Variants in SUGP2 observed in about 807,000 individuals in gnomAD.
SUGP2 encodes the protein SURP and G-patch domain-containing protein 2.
SUGP2 carries 24 observed loss-of-function variants against 90.5 expected under a neutral mutation model. The observed-to-expected ratio is 0.27, with a 90% confidence interval of 0.19 to 0.37. The LOEUF (loss-of-function observed/expected upper bound fraction) is 0.37, where lower values mean the gene tolerates loss of function less well. Ranked by LOEUF, SUGP2 falls within the 10% of genes least tolerant of loss-of-function variation. The pLI is 1.00. For synonymous variants in SUGP2, 473 were observed against 513.4 expected, an observed-to-expected ratio of 0.92 and a Z score of 1.06; for missense variants, 1,233 against 1,363.3, an observed-to-expected ratio of 0.90 and a Z score of 1.51.
chr19:19,033,547 C>T (rs2059284874), upstream of SUGP2: 30 of 1,291,712 alleles, frequency 2.3e-5, no homozygotes, highest in Non-Finnish European at 2.8e-5. Context: ...CTCCGCAGCG[C>T]CGCGCCGCGC....
intron 4 of SUGP2, among the ~76,000 whole-genome samples, chr19:19,010,944 A>C (rs150599019): frequency 3.5e-4 from 53 of 151,916 alleles, no homozygotes; most frequent in African/African-American, 1.1e-3. Flanking sequence ...GTTCAAGACC[A>C]GCCTGGGCAA....
At position 19,025,255 on chromosome 19, in the gene SUGP2, T is replaced by C. The variant is rs773095563; in HGVS notation, c.1093A>G (p.Met365Val). The change falls in exon 3 of 11, where the codon ATG becomes GTG. Residue 365 changes from methionine (M) to valine (V), a missense_variant. This residue lies in a region of SUGP2 where 55 missense variants were observed against 82.0 expected (regional missense o/e 0.67). Coordinates refer to ENST00000452918, the MANE Select transcript of SUGP2 (RefSeq NM_001017392.5). ...FELETETCAK[M>V]LASFKCSLKP... ...AAGGAACATTTGAATGAGGCAAGCATTTTAGCACAGGTTTCTGTTTCAAGT... is the reference window on the plus strand; with the variant it reads ...AAGGAACATTTGAATGAGGCAAGCACTTTAGCACAGGTTTCTGTTTCAAGT... The C allele has an allele frequency of 1.2e-6, 2 of 1,613,290 alleles. No individual in the cohort carries two copies. The highest frequency in any genetic ancestry group is 1.7e-6 in the Non-Finnish European group (2 of 1,180,032).
intron 4 of SUGP2, among the ~76,000 whole-genome samples, chr19:19,011,360 C>T (rs1049887406): frequency 3.3e-5 from 5 of 151,830 alleles, no homozygotes; most frequent in African/African-American, 1.2e-4. Flanking sequence ...GTTGCCTAGG[C>T]TGATCTCAAA....
At chr19:19,009,264 C>T (rs760199906) in intron 5 of SUGP2, among the ~76,000 whole-genome samples, 1 of 152,156 alleles carries the variant, frequency 6.6e-6, no homozygotes, top group Non-Finnish European at 1.5e-5. Flanking sequence ...CACAGCAACA[C>T]CTAAATAATG....
intron 2 of SUGP2, among the ~76,000 whole-genome samples, chr19:19,029,903 A>G (rs981037133): frequency 3.3e-5 from 5 of 151,642 alleles, no homozygotes; most frequent in Non-Finnish European, 7.4e-5. Context: ...AAATCACGTC[A>G]CTGCACTCCA....
Position 19,009,923 on chromosome 19 carries a change from G to T in SUGP2, c.2270C>A (p.Ser757Tyr), listed in dbSNP as rs1312736508. 1 of 1,614,204 alleles carries T rather than the reference G, an allele frequency of 6.2e-7. No individual in the cohort carries two copies. The highest frequency in any genetic ancestry group is 1.1e-5 in the South Asian group (1 of 91,084). ...GATGTCCACTCCTGCTGGCTTGGGG[G>T]ATGGGCCTGAGGCTTCTAAGCTGGG... is the stretch of plus-strand genomic sequence containing the variant. Reference protein sequence around the residue: ...QDPSLEASGPSPKPAGVDISE... With the variant: ...QDPSLEASGPYPKPAGVDISE... Residue 757 changes from serine to tyrosine, a missense_variant, in exon 5 of 11, where the codon TCC becomes TAC. Around this residue, in one of 8 missense-constraint regions of SUGP2, gnomAD observed 540 missense variants for 542.6 expected, o/e 1.00. Coordinates refer to ENST00000452918, the MANE Select transcript of SUGP2 (RefSeq NM_001017392.5).
At chr19:19,008,185 T>G in intron 6 of SUGP2, 132 bp downstream of exon 6, 1 of 773,324 alleles carries the variant, frequency 1.3e-6, no homozygotes, top group Non-Finnish European at 2.3e-6. Context: ...ACACCTGTGG[T>G]CCCAGCTACT....
rs749838570 is a variant in SUGP2 at position 19,004,310 on chromosome 19, G to C, written c.2787C>G (p.Ala929=). 3.7e-6 allele frequency: 6 copies of C among 1,613,682 alleles called. No homozygotes were observed. The highest frequency in any genetic ancestry group is 5.1e-6 in the Non-Finnish European group (6 of 1,179,666). The change falls in exon 7 of 11, where the codon GCC becomes GCG. Residue 929 remains alanine (A), a synonymous_variant. Coordinates refer to ENST00000452918, the MANE Select transcript of SUGP2 (RefSeq NM_001017392.5). ...CAGGTGCTCCAGCCAGGTCGTCCTC[G>C]GCAGCCTCGCCGGGAAGGCCGTCGG... ...TPADGLPGEA[A]EDDLAGAPAL...
intron 4 of SUGP2, among the ~76,000 whole-genome samples, chr19:19,010,597 C>A (rs76335898): frequency 0.02 from 3,110 of 152,240 alleles, 101 homozygotes; most frequent in African/African-American, 0.066. Flanking sequence ...GAGGGAGCTC[C>A]CAGCTCTTGA....
At position 18,995,273 on chromosome 19, in the gene SUGP2, T is replaced by C. The variant is rs1010323493; in HGVS notation, c.2999A>G (p.Lys1000Arg). ...GRPMSKKKKP[K>R]DLDFAQQKLT... ...CTTCTGCTGGGCGAAGTCCAAGTCC[T>C]TGGGTTTCTGAGGAGAGAGGAGAGT... Residue 1000 changes from lysine to arginine, a missense_variant, in exon 9 of 11, where the codon AAG (lysine) becomes AGG (arginine). By Grantham distance (26) the Lys-to-Arg change is conservative (BLOSUM62 2). This residue lies in a region of SUGP2 where 105 missense variants were observed against 155.2 expected (regional missense o/e 0.68). Coordinates refer to ENST00000452918, the MANE Select transcript of SUGP2 (RefSeq NM_001017392.5). 44 of 1,606,424 alleles carry C rather than the reference T, an allele frequency of 2.7e-5. No homozygotes were observed. The highest frequency in any genetic ancestry group is 3.4e-5 in the Non-Finnish European group (40 of 1,176,666).
In SUGP2 at chr19:19,025,849, A is replaced by G; in HGVS notation, c.499T>C (p.Ser167Pro). ...SWSQEYSFGP[S>P]AVLGDFGSSR... The stretch of plus-strand genomic sequence containing the variant: ...GATCCAAAGTCCCCCAAAACTGCAG[A>G]GGGACCAAAACTATACTCCTGTGAC... The change falls in exon 3 of 11, where the codon TCT becomes CCT. Residue 167 changes from serine to proline, a missense_variant. By Grantham distance (74) the Ser-to-Pro change is moderately conservative (BLOSUM62 -1). Around this residue, in one of 8 missense-constraint regions of SUGP2, gnomAD observed 418 missense variants for 399.9 expected, o/e 1.05. Coordinates refer to ENST00000452918, the MANE Select transcript of SUGP2 (RefSeq NM_001017392.5). 1 of 1,614,154 alleles carries G rather than the reference A, an allele frequency of 6.2e-7. No individual in the cohort carries two copies. Among genetic ancestry groups the G allele is most frequent in the Non-Finnish European group, 8.5e-7 (1 of 1,180,044 alleles).
At chr19:19,021,120 T>C (rs957322810) in intron 3 of SUGP2, among the ~76,000 whole-genome samples, 22 of 133,052 alleles carry the variant, frequency 1.7e-4, no homozygotes, top group African/African-American at 6.1e-4. Context: ...GATCATGCCA[T>C]TGCACTCCAG....
Position 18,997,950 on chromosome 19 carries a change from G to A in SUGP2, c.2992-2670C>T, listed in dbSNP as rs184838668. Among the ~76,000 whole-genome samples, 81 of 152,224 alleles carry A rather than the reference G, an allele frequency of 5.3e-4. 1 individual carries two copies. The East Asian group carries it at 0.011, about 20-fold the overall frequency. ...CCTAGAAACTGGACTTGCCAAAGAA[G>A]AACACAAGGGCCTTGGATCCCTTCC... is the stretch of plus-strand genomic sequence containing the variant. On this transcript the variant is annotated intron_variant, in intron 8 of 10. Coordinates refer to ENST00000452918, the MANE Select transcript of SUGP2 (RefSeq NM_001017392.5).
intron 2 of SUGP2, among the ~76,000 whole-genome samples, chr19:19,027,556 C>T (rs1030068576): frequency 6.6e-6 from 1 of 152,036 alleles, no homozygotes; most frequent in Non-Finnish European, 1.5e-5. Flanking sequence ...GAAGACAAAT[C>T]AAGCACGTGG....
chr19:19,032,990 C>G (rs542334777), intron 1 of SUGP2: 5 of 146,704 alleles, frequency 3.4e-5, no homozygotes, highest in African/African-American at 1.3e-4. Flanking sequence ...GTTCCCGGGT[C>G]AGGTGACCCA....
chr19:19,012,161 C>T (rs530377185), intron 4 of SUGP2, among the ~76,000 whole-genome samples: 5 of 152,312 alleles, frequency 3.3e-5, no homozygotes, highest in South Asian at 2.1e-4. Context: ...CCTGACAAAA[C>T]GACTGAGTAC....
chr19:18,997,889 A>G (rs1652804337), intron 8 of SUGP2, among the ~76,000 whole-genome samples: 1 of 152,168 alleles, frequency 6.6e-6, no homozygotes, highest in South Asian at 2.1e-4. Context: ...CTCCCAAAGC[A>G]CAGGAGGAAG....
chr19:19,024,659 T>C lies in SUGP2; in HGVS notation c.1689A>G (p.Lys563=). Residue 563 remains lysine, a synonymous_variant, in exon 3 of 11, where the codon AAA becomes AAG. Coordinates refer to ENST00000452918, the MANE Select transcript of SUGP2 (RefSeq NM_001017392.5). The part of the protein sequence containing the change: ...REEEKMIPPT[K]PEIQAKAPSS... Reference sequence around the variant, plus strand: ...TTGGAGCCTTGGCCTGAATTTCAGGTTTCGTAGGAGGAATCATTTTCTCCT... The same window carrying C: ...TTGGAGCCTTGGCCTGAATTTCAGGCTTCGTAGGAGGAATCATTTTCTCCT... The C allele has an allele frequency of 1.1e-5, 17 of 1,614,180 alleles. No individual in the cohort carries two copies. The highest frequency in any genetic ancestry group is 1.4e-5 in the Non-Finnish European group (17 of 1,180,024).
At chr19:19,003,085 G>A (rs1220374223) in intron 7 of SUGP2, among the ~76,000 whole-genome samples, 3 of 152,272 alleles carry the variant, frequency 2.0e-5, no homozygotes, top group South Asian at 2.1e-4. Context: ...GGGATTACAG[G>A]CACGAGCCAC....
Sources: allele counts gnomAD v4.1 joint callset (sites outside exome capture counted in the v4.1 genomes callset), GRCh38; gene constraint gnomAD v4.1.1; regional missense constraint gnomAD v4.1.1; transcripts MANE v1.5; gene names NCBI Gene and HGNC (gene_info 2026-07-23, HGNC 2026-07-21).